Variants in TEAD1 observed in about 807,000 individuals in gnomAD.
TEAD1 encodes transcriptional enhancer factor TEF-1.
In TEAD1, 9 loss-of-function variants were observed where a neutral mutation model predicts 54.9. That is an observed-to-expected ratio of 0.16 (90% CI 0.10 to 0.29). TEAD1 has a LOEUF of 0.29. TEAD1 is among the 10% of genes least tolerant of loss of function. TEAD1 has a pLI of 1.00. For missense variants in TEAD1, 387 were observed against 535.9 expected, an observed-to-expected ratio of 0.72 and a Z score of 2.74; for synonymous variants, 200 against 187.8, an observed-to-expected ratio of 1.07 and a Z score of -0.53.
chr11:12,915,604 T>G (rs1948697470), intron 10 of TEAD1, among the ~76,000 whole-genome samples: 1 of 152,208 alleles, frequency 6.6e-6, no homozygotes, highest in Non-Finnish European at 1.5e-5. Flanking sequence ...TCCCAGCACT[T>G]TGGGAGGCCG....
intron 2 of TEAD1, among the ~76,000 whole-genome samples, chr11:12,762,063 C>G (rs1945113524): frequency 6.6e-6 from 1 of 152,244 alleles, no homozygotes; most frequent in South Asian, 2.1e-4. Context: ...TGTCCTAGAT[C>G]CCATTCCCTG....
At chr11:12,782,751 G>A (rs924213260) in intron 3 of TEAD1, among the ~76,000 whole-genome samples, 2 of 152,198 alleles carry the variant, frequency 1.3e-5, no homozygotes, top group Admixed American at 1.3e-4. Context: ...TGCAGAGCAC[G>A]TTTATAGTAG....
intron 2 of TEAD1, among the ~76,000 whole-genome samples, chr11:12,702,490 G>C (rs1441486288): frequency 6.6e-6 from 1 of 152,120 alleles, no homozygotes; most frequent in African/African-American, 2.4e-5. Flanking sequence ...GAGAGTAGAA[G>C]GATAAGAATC....
intron 3 of TEAD1, among the ~76,000 whole-genome samples, chr11:12,776,344 G>A (rs1945418591): frequency 6.6e-6 from 1 of 152,098 alleles, no homozygotes; most frequent in Non-Finnish European, 1.5e-5. Context: ...AGAATGAACG[G>A]GATCCACATC....
intron 8 of TEAD1, among the ~76,000 whole-genome samples, chr11:12,882,661 C>A (rs1321621264): frequency 6.6e-6 from 1 of 152,218 alleles, no homozygotes; most frequent in Admixed American, 6.5e-5. Context: ...TCGGGTCTCA[C>A]AGGAAGTCTT....
At chr11:12,838,315 A>G (rs571306307) in intron 3 of TEAD1, among the ~76,000 whole-genome samples, 107 of 152,294 alleles carry the variant, frequency 7.0e-4, no homozygotes, top group African/African-American at 2.3e-3. Context: ...AATGTGGACG[A>G]TGCTACATGG....
intron 2 of TEAD1, among the ~76,000 whole-genome samples, chr11:12,683,229 T>C (rs561209190): frequency 1.3e-5 from 2 of 152,354 alleles, no homozygotes; most frequent in South Asian, 4.1e-4. Flanking sequence ...CATTGTGACA[T>C]CATTTGTTTC....
intron 3 of TEAD1, among the ~76,000 whole-genome samples, chr11:12,794,524 C>T (rs1468413726): frequency 1.3e-5 from 2 of 152,174 alleles, no homozygotes. Flanking sequence ...ATGTGACAGC[C>T]TGTCTAGGTG....
chr11:12,838,148 T>C (rs903009232), intron 3 of TEAD1, among the ~76,000 whole-genome samples: 1 of 152,150 alleles, frequency 6.6e-6, no homozygotes, highest in African/African-American at 2.4e-5. Flanking sequence ...TTACAACACA[T>C]CCTCATGAGA....
At chr11:12,918,145 G>GGGGGGACGTGTCAGTAGGGTAGATAAT (rs1450684342) in intron 10 of TEAD1, among the ~76,000 whole-genome samples, 1 of 152,050 alleles carries the variant, frequency 6.6e-6, no homozygotes, top group Non-Finnish European at 1.5e-5. Flanking sequence ...TCAGTTGGGA[G>GGGGGGACGTGTCAGTAGGGTAGATAAT]GGGGGACGTG....
At chr11:12,696,600 G>A (rs532511563) in intron 2 of TEAD1, among the ~76,000 whole-genome samples, 1 of 152,318 alleles carries the variant, frequency 6.6e-6, no homozygotes, top group African/African-American at 2.4e-5. Flanking sequence ...GGGGTCTTCA[G>A]ATGGACGCCT....
At chr11:12,822,283 A>G (rs1206706456) in intron 3 of TEAD1, among the ~76,000 whole-genome samples, 1 of 152,154 alleles carries the variant, frequency 6.6e-6, no homozygotes, top group Non-Finnish European at 1.5e-5. Context: ...GAGAAACTAG[A>G]GGTCTAATTT....
chr11:12,923,416 C>T (rs1290649434), intron 10 of TEAD1, among the ~76,000 whole-genome samples: 4 of 152,148 alleles, frequency 2.6e-5, no homozygotes, highest in South Asian at 2.1e-4. Flanking sequence ...GCTCGTGTCC[C>T]CCCGTACCTC....
chr11:12,739,415 A>C (rs1008505206), intron 2 of TEAD1, among the ~76,000 whole-genome samples: 22 of 152,172 alleles, frequency 1.4e-4, no homozygotes, highest in African/African-American at 5.1e-4. Context: ...TGCAAAACTG[A>C]AAATGTCTAT....
At chr11:12,847,580 G>A (rs1691277789) in intron 3 of TEAD1, among the ~76,000 whole-genome samples, 1 of 152,208 alleles carries the variant, frequency 6.6e-6, no homozygotes, top group Admixed American at 6.5e-5. Context: ...AGAAGTGTGT[G>A]TAGAGAGTGG....
rs76465556 is a variant in TEAD1, at chr11:12,871,302, G to A, written c.330+6402G>A. Among the ~76,000 whole-genome samples the A allele has an allele frequency of 6.1e-3, 936 of 152,274 alleles. 12 individuals carry two copies. Among genetic ancestry groups the A allele is most frequent in the Admixed American group, 0.019 (296 of 15,290 alleles). ...TTCCCTTAGTTTAGCCCCTATTGGC[G>A]TCTCCAGTGGAGTAGTGAGAAGCAG... On this transcript the variant is annotated intron_variant, in intron 5 of 12. Transcript: ENST00000527636.
At chr11:12,786,361 G>T (rs1179209235) in intron 3 of TEAD1, among the ~76,000 whole-genome samples, 1 of 152,140 alleles carries the variant, frequency 6.6e-6, no homozygotes, top group Non-Finnish European at 1.5e-5. Flanking sequence ...TCTTCACTGG[G>T]TCTTCTGGCT....
At chr11:12,749,118 C>T (rs554807837) in intron 2 of TEAD1, among the ~76,000 whole-genome samples, 1 of 151,984 alleles carries the variant, frequency 6.6e-6, no homozygotes, top group Non-Finnish European at 1.5e-5. Context: ...TGTGCCAGAA[C>T]TGTGTGTGTG....
intron 2 of TEAD1, among the ~76,000 whole-genome samples, chr11:12,682,014 T>G (rs7937898): frequency 0.53 from 79,934 of 152,098 alleles, 22,201 homozygotes; most frequent in African/African-American, 0.72. Context: ...ACCACCTGTG[T>G]AGGCTTAGGT....
Sources: allele counts gnomAD v4.1 joint callset (sites outside exome capture counted in the v4.1 genomes callset), GRCh38; gene constraint gnomAD v4.1.1; transcripts MANE v1.5; gene names NCBI Gene and HGNC (gene_info 2026-07-23, HGNC 2026-07-21).